ATP2C1: variants seen among roughly 807,000 people sequenced by gnomAD.
The protein encoded by ATP2C1 is ATPase secretory pathway Ca2+ transporting 1.
ATP2C1 carries 31 observed loss-of-function variants against 120.5 expected under a neutral mutation model. The ratio of observed to expected loss-of-function variants is 0.26; its 90% CI spans 0.19 to 0.35. The LOEUF is 0.35. Ranked by LOEUF, ATP2C1 falls within the 10% of genes least tolerant of loss-of-function variation. ATP2C1 has a pLI of 1.00. For synonymous variants in ATP2C1, 351 were observed against 358.7 expected (o/e 0.98, Z 0.24); for missense variants, 731 against 1,107.5 (o/e 0.66, Z 4.83).
intron 20 of ATP2C1, among the ~76,000 whole-genome samples, chr3:130,982,421 T>A (rs991015583): frequency 6.6e-6 from 1 of 152,362 alleles, no homozygotes; most frequent in East Asian, 1.9e-4. Context: ...CTTTATTATC[T>A]TGGGCTGCCT....
At chr3:130,920,496 A>ATTTCTAGGCTTTCT (rs2058904311) in intron 2 of ATP2C1, among the ~76,000 whole-genome samples, 1 of 152,034 alleles carries the variant, frequency 6.6e-6, no homozygotes, top group Non-Finnish European at 1.5e-5. Context: ...GTGTGGACTT[A>ATTTCTAGGCTTTCT]TTTCTAGGCT....
intron 8 of ATP2C1, among the ~76,000 whole-genome samples, chr3:130,950,229 A>G (rs1355008931): frequency 1.3e-5 from 2 of 152,122 alleles, no homozygotes; most frequent in African/African-American, 4.8e-5. Context: ...TCTTATTTAT[A>G]TTCTGATTTT....
chr3:130,889,952 T>C (rs938345586), upstream of ATP2C1, among the ~76,000 whole-genome samples: 14 of 152,180 alleles, frequency 9.2e-5, no homozygotes, highest in African/African-American at 2.9e-4. Context: ...ACCCTTAAAC[T>C]TCTTAAAAAT....
downstream of ATP2C1, chr3:131,003,169 T>C (rs1053366348): frequency 8.2e-6 from 8 of 980,710 alleles, no homozygotes; most frequent in Middle Eastern, 5.2e-4. Context: ...CAGTGGGGAC[T>C]ATTAGCATTA....
At chr3:130,976,093 G>A (rs1415834907) in intron 18 of ATP2C1, among the ~76,000 whole-genome samples, 1 of 152,142 alleles carries the variant, frequency 6.6e-6, no homozygotes, top group African/African-American at 2.4e-5. Context: ...TCTGGCTTCT[G>A]CAGAATATAT....
At chr3:130,972,050 A>C (rs554763168) in intron 17 of ATP2C1, among the ~76,000 whole-genome samples, 2 of 152,286 alleles carry the variant, frequency 1.3e-5, no homozygotes, top group Admixed American at 1.3e-4. Flanking sequence ...GAACTCTTCC[A>C]CAGGCAGGGG....
chr3:130,953,284 G>T lies in ATP2C1; in HGVS notation c.532-537G>T, dbSNP rs77809219. Among the ~76,000 whole-genome samples, 753 of 151,990 alleles carry T rather than the reference G, an allele frequency of 5.0e-3. 2 individuals are homozygous for T. The highest frequency in any genetic ancestry group is 8.4e-3 in the Non-Finnish European group (568 of 67,992). On this transcript the variant is annotated intron_variant, in intron 8 of 27. Transcript: ENST00000510168. ...AGTTATGATCTGCATGAAAGCATTT[G>T]TATACATTTTTGAGTCTTGCAAATT...
Position 130,967,176 on chromosome 3 carries a change from A to T in ATP2C1, c.1154A>T (p.Glu385Val). 6.2e-7 allele frequency: 1 copy of T among 1,613,692 alleles called. No homozygotes were observed. The highest frequency in any genetic ancestry group is 8.5e-7 in the Non-Finnish European group (1 of 1,179,764). ...GGAGTTGGCTATAATCAATTTGGGG[A>T]AGTGATTGTTGATGGTGATGTTGTT... is the stretch of plus-strand genomic sequence containing the variant. The part of the protein sequence containing the change: ...VTGVGYNQFG[E>V]VIVDGDVVHG... The change falls in exon 15 of 28, where the codon GAA becomes GTA. Residue 385 changes from glutamate (E) to valine (V), a missense_variant. Transcript: ENST00000510168.
intron 2 of ATP2C1, among the ~76,000 whole-genome samples, chr3:130,896,730 G>A (rs571266784): frequency 1.2e-4 from 19 of 152,188 alleles, no homozygotes; most frequent in African/African-American, 2.4e-4. Context: ...AGTAAATTAC[G>A]TCACCTTTCT....
chr3:130,996,761 G>A lies in ATP2C1; in HGVS notation c.2208G>A (p.Trp736Ter). The change falls in exon 24 of 28, where the codon TGG becomes TGA. Residue 736 changes from tryptophan to a stop codon, truncating the protein, a stop_gained. Transcript: ENST00000510168. LOFTEE classifies it high-confidence loss of function. ...PNPLNAMQIL[W>*]INIIMDGPPA... ...CTCTCAATGCCATGCAGATTTTGTGGATCAATATTATTATGGATGGACCCC... is the reference window on the plus strand; with the variant it reads ...CTCTCAATGCCATGCAGATTTTGTGAATCAATATTATTATGGATGGACCCC... 6.2e-7 allele frequency: 1 copy of A among 1,612,606 alleles called. No individual in the cohort carries two copies. Among genetic ancestry groups the A allele is most frequent in the East Asian group, 2.2e-5 (1 of 44,836 alleles).
chr3:130,944,575 A>G (rs1458496013), intron 8 of ATP2C1, among the ~76,000 whole-genome samples: 1 of 152,170 alleles, frequency 6.6e-6, no homozygotes, highest in Non-Finnish European at 1.5e-5. Flanking sequence ...AACCCTGATT[A>G]CTTCCCAGGG....
intron 22 of ATP2C1, among the ~76,000 whole-genome samples, chr3:130,995,088 C>T (rs1478178510): frequency 2.0e-5 from 3 of 152,046 alleles, no homozygotes; most frequent in African/African-American, 7.2e-5. Flanking sequence ...CATTTTGTAC[C>T]ACTAAGAAAA....
rs1474376893 is a variant in ATP2C1 at position 131,002,941 on chromosome 3, C to G, written c.*1591C>G. On this transcript the variant is annotated 3_prime_UTR_variant, in exon 28 of 28. Transcript: ENST00000510168. ...TTAGATGGAACATGGAAGCCATTGT[C>G]TAATCAACTCTATCATTAGTGACTT... 2 of 985,662 alleles carry G rather than the reference C, an allele frequency of 2.0e-6. No homozygotes were observed. Among genetic ancestry groups the G allele is most frequent in the Non-Finnish European group, 2.4e-6 (2 of 829,896 alleles). The allele number at this position is 985,662 out of a possible 1,614,324, so 61.1% of individuals were successfully genotyped here.
chr3:130,953,588 A>G (rs2060461184), intron 8 of ATP2C1, among the ~76,000 whole-genome samples: 2 of 152,184 alleles, frequency 1.3e-5, no homozygotes, highest in South Asian at 4.1e-4. Flanking sequence ...ATTTTAGGCT[A>G]ATCTAGTCTC....
chr3:130,958,786 G>C (rs535027437), intron 11 of ATP2C1, among the ~76,000 whole-genome samples: 3 of 152,234 alleles, frequency 2.0e-5, no homozygotes, highest in African/African-American at 7.2e-5. Flanking sequence ...ATCACTTTTT[G>C]AGCCAAGTCG....
At chr3:130,997,064 A>T (rs1486313770) in intron 24 of ATP2C1, among the ~76,000 whole-genome samples, 7 of 152,066 alleles carry the variant, frequency 4.6e-5, no homozygotes, top group Non-Finnish European at 7.4e-5. Flanking sequence ...TCAGGAAGTA[A>T]GTAAGCCTTT....
At chr3:130,986,754 A>G (rs964798095) in intron 20 of ATP2C1, among the ~76,000 whole-genome samples, 2 of 152,138 alleles carry the variant, frequency 1.3e-5, no homozygotes, top group African/African-American at 2.4e-5. Context: ...TTTTTGTCTC[A>G]TTAGGTTAGC....
In ATP2C1 at chr3:131,002,114, A is replaced by G; in HGVS notation, c.*764A>G. 1.0e-6 allele frequency: 1 copy of G among 985,424 alleles called. No individual in the cohort carries two copies. The allele number at this position is 985,424 out of a possible 1,614,324, so 61.0% of individuals were successfully genotyped here. A position where few individuals can be genotyped will look rare whatever the true frequency, so the allele number is the denominator to read the frequency against. On this transcript the variant is annotated 3_prime_UTR_variant, in exon 28 of 28. Coordinates refer to ENST00000510168, the MANE Select transcript of ATP2C1 (RefSeq NM_001378687.1). ...CAGTGTCCATAATTAACGCTTAGTC[A>G]TAGAGTCAAAAACATTTAAGACTGA...
chr3:130,923,290 G>A (rs921146956), intron 2 of ATP2C1, among the ~76,000 whole-genome samples: 6 of 151,382 alleles, frequency 4.0e-5, no homozygotes, highest in African/African-American at 1.2e-4. Context: ...GTAGTGGTGC[G>A]ACCTTGGCAC....
Sources: allele counts gnomAD v4.1 joint callset (sites outside exome capture counted in the v4.1 genomes callset), GRCh38; gene constraint gnomAD v4.1.1; transcripts MANE v1.5; gene names NCBI Gene and HGNC (gene_info 2026-07-23, HGNC 2026-07-21).